POFUT3: variants seen among roughly 807,000 people sequenced by gnomAD.
POFUT3 encodes the protein protein O-fucosyltransferase 3.
chr8:33,339,123 A>G, the POFUT3 span, among the ~76,000 whole-genome samples: 1 of 152,242 alleles, frequency 6.6e-6, no homozygotes, highest in African/African-American at 2.4e-5. Flanking sequence ...AAAAATTTTT[A>G]AAGGAGCCAT....
the POFUT3 span, among the ~76,000 whole-genome samples, chr8:33,311,479 T>C: frequency 6.6e-6 from 1 of 152,210 alleles, no homozygotes; most frequent in Admixed American, 6.5e-5. Flanking sequence ...TACTTTCTCA[T>C]CCAAGGGGAT....
At chr8:33,404,339 A>G in the POFUT3 span, among the ~76,000 whole-genome samples, 1 of 78,222 alleles carries the variant, frequency 1.3e-5, no homozygotes, top group African/African-American at 3.9e-5. Flanking sequence ...CTCTGTCTCA[A>G]AAAAAAAAAA....
the POFUT3 span, chr8:33,451,616 GT>G: frequency 6.6e-6 from 1 of 151,754 alleles, no homozygotes; most frequent in Non-Finnish European, 1.5e-5. Context: ...GTGTATATGT[GT>G]ATATATGTGT....
the POFUT3 span, among the ~76,000 whole-genome samples, chr8:33,363,392 T>A: frequency 6.6e-6 from 1 of 151,976 alleles, no homozygotes; most frequent in Admixed American, 6.6e-5. Context: ...ATTCAAAAAC[T>A]AGCAGAAGGC....
chr8:33,442,508 T>C, the POFUT3 span, among the ~76,000 whole-genome samples: 1 of 146,058 alleles, frequency 6.8e-6, no homozygotes, highest in African/African-American at 2.5e-5. Flanking sequence ...ATGGTCTCCA[T>C]GTCCTGACCT....
At chr8:33,414,903 G>C in the POFUT3 span, among the ~76,000 whole-genome samples, 44,138 of 150,840 alleles carry the variant, frequency 0.29, 6,576 homozygotes, top group South Asian at 0.44. Flanking sequence ...TCTTCAATAT[G>C]CGAGCTAAAT....
chr8:33,455,354 T>C, the POFUT3 span, among the ~76,000 whole-genome samples: 1 of 152,258 alleles, frequency 6.6e-6, no homozygotes, highest in East Asian at 1.9e-4. Context: ...TGCCTTTTCA[T>C]CAAATTTTAA....
At chr8:33,310,671 A>G in the POFUT3 span, among the ~76,000 whole-genome samples, 1 of 150,260 alleles carries the variant, frequency 6.7e-6, no homozygotes, top group Admixed American at 6.6e-5. Context: ...AGCCTGGGTG[A>G]CAGAGCAAGA....
chr8:33,317,712 C>A, the POFUT3 span, among the ~76,000 whole-genome samples: 1 of 152,128 alleles, frequency 6.6e-6, no homozygotes, highest in African/African-American at 2.4e-5. Context: ...CTTTTTCCCC[C>A]CAGCAAAACT....
At chr8:33,390,384 A>C in the POFUT3 span, among the ~76,000 whole-genome samples, 6,617 of 152,188 alleles carry the variant, frequency 0.043, 465 homozygotes, top group African/African-American at 0.15. Context: ...GTTCTAAAGG[A>C]GAATTTATTC....
chr8:33,467,412 A>G, the POFUT3 span, among the ~76,000 whole-genome samples: 174 of 152,294 alleles, frequency 1.1e-3, 1 homozygote, highest in South Asian at 0.01. Flanking sequence ...CTCCAAGACA[A>G]AAGCTCTCAT....
the POFUT3 span, among the ~76,000 whole-genome samples, chr8:33,368,419 A>G: frequency 5.3e-5 from 8 of 152,196 alleles, no homozygotes; most frequent in Non-Finnish European, 1.2e-4. Flanking sequence ...ATGAGGCCAC[A>G]TTTTACTAGT....
the POFUT3 span, among the ~76,000 whole-genome samples, chr8:33,427,999 C>G: frequency 6.6e-6 from 1 of 152,166 alleles, no homozygotes; most frequent in African/African-American, 2.4e-5. Flanking sequence ...GTGGCGCATG[C>G]CTGTAATCCC....
At chr8:33,380,122 CACTATATATATAT>C in the POFUT3 span, among the ~76,000 whole-genome samples, 2 of 53,336 alleles carry the variant, frequency 3.7e-5, no homozygotes, top group East Asian at 6.7e-4. Context: ...TATATATATA[CACTATATATATAT>C]ACTATATATA....
chr8:33,363,592 C>T, the POFUT3 span, among the ~76,000 whole-genome samples: 2 of 152,106 alleles, frequency 1.3e-5, no homozygotes, highest in African/African-American at 2.4e-5. Flanking sequence ...GGGGATATCA[C>T]CACCGATCCC....
the POFUT3 span, among the ~76,000 whole-genome samples, chr8:33,385,490 A>T: frequency 6.6e-6 from 1 of 152,202 alleles, no homozygotes; most frequent in East Asian, 1.9e-4. Flanking sequence ...TGCCATGAAC[A>T]CAGTCTCAGA....
At chr8:33,336,678 G>A in the POFUT3 span, among the ~76,000 whole-genome samples, 6 of 152,074 alleles carry the variant, frequency 3.9e-5, no homozygotes, top group East Asian at 1.2e-3. Flanking sequence ...CTCTTGGCCA[G>A]GTCAGCAAAA....
the POFUT3 span, among the ~76,000 whole-genome samples, chr8:33,380,606 G>T: frequency 6.6e-6 from 1 of 152,000 alleles, no homozygotes; most frequent in Admixed American, 6.6e-5. Context: ...GGAGGCCAAG[G>T]TGGGAGGATT....
the POFUT3 span, among the ~76,000 whole-genome samples, chr8:33,467,272 CAA>C: frequency 2.7e-5 from 2 of 73,450 alleles, no homozygotes; most frequent in African/African-American, 1.1e-4. Context: ...GACTCTGTCT[CAA>C]AAAAAAAAAA....
Sources: gnomAD v4.1 joint callset for allele counts (sites outside exome capture counted in the v4.1 genomes callset) on GRCh38, gnomAD v4.1.1 for gene constraint, MANE v1.5 for transcripts, NCBI Gene and HGNC (gene_info 2026-07-23, HGNC 2026-07-21) for gene names.